Variants in DCLK1 observed in about 807,000 individuals in gnomAD.
DCLK1 encodes the protein doublecortin like kinase 1, also known as serine/threonine-protein kinase DCLK1.
A neutral mutation model predicts 86.2 loss-of-function variants in DCLK1; 16 were observed. That is an observed-to-expected ratio of 0.19 (90% CI 0.13 to 0.28). The LOEUF is 0.28. Ranked by LOEUF, DCLK1 falls within the 10% of genes least tolerant of loss-of-function variation. The pLI is 1.00. For synonymous variants in DCLK1, 369 were observed against 370.5 expected (o/e 1.00, Z 0.05); for missense variants, 590 against 940.2 (o/e 0.63, Z 4.87).
chr13:36,117,773 T>G (rs1031911051), intron 2 of DCLK1, among the ~76,000 whole-genome samples: 1 of 152,116 alleles, frequency 6.6e-6, no homozygotes, highest in African/African-American at 2.4e-5. Flanking sequence ...GAAACCTAAG[T>G]CAGGAGACTA....
intron 3 of DCLK1, among the ~76,000 whole-genome samples, chr13:35,962,709 G>A (rs1878521430): frequency 6.6e-6 from 1 of 152,154 alleles, no homozygotes; most frequent in Non-Finnish European, 1.5e-5. Flanking sequence ...AAGTTTCAGA[G>A]GGTTTTAGAG....
intron 16 of DCLK1, among the ~76,000 whole-genome samples, chr13:35,777,516 G>C (rs939080535): frequency 6.6e-5 from 10 of 152,188 alleles, no homozygotes; most frequent in African/African-American, 2.4e-4. Flanking sequence ...TTCCCAGCCA[G>C]CATGAGCTAG....
chr13:35,840,186 A>C (rs771029486), intron 6 of DCLK1, among the ~76,000 whole-genome samples: 11 of 152,044 alleles, frequency 7.2e-5, no homozygotes, highest in Non-Finnish European at 1.6e-4. Context: ...AAGCTGACCT[A>C]TTTTTCCTCT....
chr13:35,782,036 A>G (rs1265399503), intron 16 of DCLK1, among the ~76,000 whole-genome samples: 2 of 152,204 alleles, frequency 1.3e-5, no homozygotes, highest in Non-Finnish European at 2.9e-5. Context: ...CTTAAAGATG[A>G]CCATCAAAAT....
intron 4 of DCLK1, among the ~76,000 whole-genome samples, chr13:35,926,856 G>A (rs1186628122): frequency 2.0e-5 from 3 of 152,214 alleles, no homozygotes; most frequent in South Asian, 2.1e-4. Flanking sequence ...AAGGGCAGGA[G>A]TTGGTGGGAC....
chr13:36,033,339 A>G (rs1422587671), intron 3 of DCLK1, among the ~76,000 whole-genome samples: 1 of 152,226 alleles, frequency 6.6e-6, no homozygotes, highest in Admixed American at 6.5e-5. Context: ...CTATCTGACT[A>G]AAACTTAATC....
intron 10 of DCLK1, among the ~76,000 whole-genome samples, chr13:35,826,523 CAAAAAAAAAAAA>C (rs533243711): frequency 1.0e-4 from 2 of 19,826 alleles, no homozygotes; most frequent in African/African-American, 2.5e-4. Context: ...AACTCCATCT[CAAAAAAAAAAAA>C]AAAAAAAGAA....
chr13:35,871,775 A>C (rs901874973), intron 4 of DCLK1, among the ~76,000 whole-genome samples: 1 of 152,226 alleles, frequency 6.6e-6, no homozygotes, highest in Non-Finnish European at 1.5e-5. Context: ...CGCCCACCAC[A>C]ACAGGACCAA....
intron 3 of DCLK1, among the ~76,000 whole-genome samples, chr13:36,064,447 T>A (rs569468747): frequency 6.6e-6 from 1 of 152,060 alleles, no homozygotes; most frequent in African/African-American, 2.4e-5. Flanking sequence ...GATCACGAGG[T>A]CAGGAGATCG....
intron 4 of DCLK1, among the ~76,000 whole-genome samples, chr13:35,940,406 A>G (rs1368985648): frequency 6.6e-6 from 1 of 152,182 alleles, no homozygotes; most frequent in Non-Finnish European, 1.5e-5. Flanking sequence ...CTTATTGAAT[A>G]AATGACTGCA....
chr13:35,880,475 T>C (rs1445441958), intron 4 of DCLK1, among the ~76,000 whole-genome samples: 2 of 152,206 alleles, frequency 1.3e-5, no homozygotes, highest in Non-Finnish European at 2.9e-5. Context: ...TGTTCCTCAC[T>C]ATTTTGGATT....
At chr13:35,978,203 C>CTTTT (rs11311688) in intron 3 of DCLK1, among the ~76,000 whole-genome samples, 962 of 82,650 alleles carry the variant, frequency 0.012, 2 homozygotes, top group Non-Finnish European at 0.014. Flanking sequence ...CTTTTCTTTT[C>CTTTT]TTTTTTTTTT....
intron 4 of DCLK1, among the ~76,000 whole-genome samples, chr13:35,919,909 T>A (rs916828228): frequency 1.2e-4 from 4 of 33,906 alleles, no homozygotes; most frequent in Admixed American, 3.2e-4. Flanking sequence ...TGCGGGGGGG[T>A]GGGGGGGTTG....
intron 3 of DCLK1, among the ~76,000 whole-genome samples, chr13:36,092,196 G>A (rs1884848957): frequency 1.3e-5 from 2 of 151,478 alleles, no homozygotes; most frequent in South Asian, 4.2e-4. Context: ...TAAGAGTTCT[G>A]GCTCTTGAGG....
intron 3 of DCLK1, among the ~76,000 whole-genome samples, chr13:36,088,142 G>A (rs1274649125): frequency 1.3e-5 from 2 of 152,220 alleles, no homozygotes; most frequent in African/African-American, 4.8e-5. Context: ...TTATGCAAAG[G>A]TTAAGTGACT....
intron 4 of DCLK1, among the ~76,000 whole-genome samples, chr13:35,931,637 A>G (rs1876437317): frequency 6.6e-6 from 1 of 152,132 alleles, no homozygotes; most frequent in Non-Finnish European, 1.5e-5. Flanking sequence ...AATATCTAGT[A>G]TTGGATATCA....
At chr13:35,843,152 C>T (rs1218260408) in intron 6 of DCLK1, among the ~76,000 whole-genome samples, 1 of 152,092 alleles carries the variant, frequency 6.6e-6, no homozygotes, top group Non-Finnish European at 1.5e-5. Flanking sequence ...GCAGATAAAC[C>T]ATTTTATAGT....
At chr13:35,962,527 T>C (rs938275284) in intron 3 of DCLK1, among the ~76,000 whole-genome samples, 12 of 152,180 alleles carry the variant, frequency 7.9e-5, no homozygotes, top group Admixed American at 2.6e-4. Context: ...TCCTCAGAAA[T>C]GTGAAACAAT....
At chr13:35,857,848 G>A (rs1004828182) in intron 5 of DCLK1, among the ~76,000 whole-genome samples, 1 of 152,204 alleles carries the variant, frequency 6.6e-6, no homozygotes, top group East Asian at 1.9e-4. Flanking sequence ...GAGAAAGGAG[G>A]CCAGTGTGGT....
Sources: gnomAD v4.1 joint callset for allele counts (sites outside exome capture counted in the v4.1 genomes callset) on GRCh38, gnomAD v4.1.1 for gene constraint, MANE v1.5 for transcripts, NCBI Gene and HGNC (gene_info 2026-07-23, HGNC 2026-07-21) for gene names.